The following HYI variants were observed in gnomAD, a reference collection of about 807,000 sequenced individuals.
HYI encodes hydroxypyruvate isomerase (putative), also known as putative hydroxypyruvate isomerase.
Under a neutral mutation model 39.7 loss-of-function variants are expected in HYI, and 47 were observed. That is an observed-to-expected ratio of 1.18 (90% CI 0.94 to 1.51). The LOEUF (loss-of-function observed/expected upper bound fraction) is 1.51, where lower values mean the gene tolerates loss of function less well. HYI is among the 40% of genes most tolerant of loss of function. HYI has a pLI of 0.00. For synonymous variants in HYI, 186 were observed against 158.8 expected (o/e 1.17, Z -1.29); for missense variants, 465 against 370.3 (o/e 1.26, Z -2.10).
chr1:43,450,965 C>T, downstream of HYI: 2 of 762,138 alleles, frequency 2.6e-6, no homozygotes, highest in East Asian at 2.4e-5. This position sits in a 1 kb window ranked among gnomAD's most constrained non-coding sequence, Gnocchi z 4.3. Context: ...GCCTTTGAAG[C>T]ACTTGTGGCC....
chr1:43,453,060 G>A, intron 2 of HYI: 1 of 1,086,498 alleles, frequency 9.2e-7, no homozygotes, highest in East Asian at 2.5e-5. Flanking sequence ...ATCCAGACAG[G>A]GTTAGGTGCC....
intron 2 of HYI, chr1:43,453,137 C>A: frequency 1.4e-6 from 1 of 691,148 alleles, no homozygotes; most frequent in Admixed American, 2.1e-5. Context: ...TATTTACTCT[C>A]CTATCTGCCT....
At position 43,453,834 on chromosome 1, in the gene HYI, AGGCGGCGGGCGGCGGGCGGCG is replaced by A. The variant is rs534101178; in HGVS notation, c.-62_-42del. 15 of 1,194,514 alleles carry A rather than the reference AGGCGGCGGGCGGCGGGCGGCG, an allele frequency of 1.3e-5. No individual in the cohort carries two copies. The highest frequency in any genetic ancestry group is 3.2e-4 in the Middle Eastern group (1 of 3,100). The allele number at this position is 1,194,514 out of a possible 1,614,324, so 74.0% of individuals were successfully genotyped here. A position where few individuals can be genotyped will look rare whatever the true frequency, so the allele number is the denominator to read the frequency against. On this transcript the variant is annotated 5_prime_UTR_variant, in exon 1 of 8. Coordinates refer to ENST00000372430, the MANE Select transcript of HYI (RefSeq NM_001190880.3). ...GCCGGGCGGAGTCCGCGGGATCCAA[AGGCGGCGGGCGGCGGGCGGCG>A]GGCGGCGGGCGGGGGCGGGGCTCTC...
chr1:43,452,790 A>T (rs58350196), intron 2 of HYI: 36 of 1,140,660 alleles, frequency 3.2e-5, no homozygotes, highest in Non-Finnish European at 4.4e-5. Flanking sequence ...AGGATTTGAC[A>T]TTTGAATCAG....
rs567018180 is a variant in HYI at position 43,451,597 on chromosome 1, G to T, written c.625+51C>A. ...GTCCAGGCTCCTGCCAGGGCCTGAA[G>T]GACAGATGTGGGGATTGAAAGGGTG... On this transcript the variant is annotated intron_variant, in intron 6 of 7. Coordinates refer to ENST00000372430, the MANE Select transcript of HYI (RefSeq NM_001190880.3). The T allele has an allele frequency of 2.8e-4, 454 of 1,613,850 alleles. 8 individuals are homozygous for T. The South Asian group carries it at 4.7e-3, about 17-fold the overall frequency.
At position 43,451,723 on chromosome 1, in the gene HYI, G is replaced by A; in HGVS notation, c.556-6C>T. 3 of 1,614,084 alleles carry A rather than the reference G, an allele frequency of 1.9e-6. No homozygotes were observed. Among genetic ancestry groups the A allele is most frequent in the Non-Finnish European group, 2.5e-6 (3 of 1,179,950 alleles). On this transcript the variant is annotated splice_polypyrimidine_tract_variant and splice_region_variant and intron_variant, in intron 5 of 7. Coordinates refer to ENST00000372430, the MANE Select transcript of HYI (RefSeq NM_001190880.3). ...ATCTGCCAGTGGAATATGTCCTAGG[G>A]AAGAGGATACTACATTCCGAGACCC...
chr1:43,453,442 G>T lies in HYI; in HGVS notation c.255C>A (p.Ala85=). 6.4e-7 allele frequency: 1 copy of T among 1,564,294 alleles called. No homozygotes were observed. The highest frequency in any genetic ancestry group is 8.7e-7 in the Non-Finnish European group (1 of 1,153,334). The part of the protein sequence containing the change: ...GLGAVPGRQA[A]FREGLEQAVR... The stretch of plus-strand genomic sequence containing the variant: ...CGGCCTGCTCCAGTCCCTCTCGGAA[G>T]GCCGCCTGTCTCCCGGGGACGGCCC... Residue 85 remains alanine, a synonymous_variant, in exon 2 of 8, where the codon GCC becomes GCA. Coordinates refer to ENST00000372430, the MANE Select transcript of HYI (RefSeq NM_001190880.3).
At chr1:43,450,769 A>G (rs1656297567), downstream of HYI, 4 of 700,564 alleles carry the variant, frequency 5.7e-6, no homozygotes, top group Non-Finnish European at 1.1e-5. The surrounding 1 kb of genome is among the most constrained non-coding windows in gnomAD (Gnocchi z 4.3). Context: ...CCCCCCTGGT[A>G]GAGTCTCGGG....
In HYI at chr1:43,451,205, C is replaced by T. The variant is rs1656358953; in HGVS notation, c.*33G>A. ...AGAGGAGGAGATGGGATGTCACTCG[C>T]TGTCTGGAGGCACGTGGGTGGTGTG... On this transcript the variant is annotated 3_prime_UTR_variant, in exon 8 of 8. Coordinates refer to ENST00000372430, the MANE Select transcript of HYI (RefSeq NM_001190880.3). 2 of 1,600,166 alleles carry T rather than the reference C, an allele frequency of 1.2e-6. No individual in the cohort carries two copies. The highest frequency in any genetic ancestry group is 1.3e-5 in the African/African-American group (1 of 74,812).
chr1:43,450,851 G>A (rs1656309418), downstream of HYI: 1 of 714,844 alleles, frequency 1.4e-6, no homozygotes, highest in Non-Finnish European at 2.6e-6. This position sits in a 1 kb window ranked among gnomAD's most constrained non-coding sequence, Gnocchi z 4.3. Context: ...TTTGACCACT[G>A]TCAGCCACCT....
rs1196005627 is a variant in HYI at position 43,453,634 on chromosome 1, C to G, written c.160G>C (p.Glu54Gln). The G allele has an allele frequency of 5.4e-6, 8 of 1,493,528 alleles. No individual in the cohort carries two copies. The highest frequency in any genetic ancestry group is 2.3e-5 in the Admixed American group (1 of 43,034). The allele number at this position is 1,493,528 out of a possible 1,614,324, so 92.5% of individuals were successfully genotyped here. ...ATCAGTACAAGCCGCAGCCCCGCTTCTCGCGCGGCGCGCGCCAGCGCCTCA... is the reference window on the plus strand; with the variant it reads ...ATCAGTACAAGCCGCAGCCCCGCTTGTCGCGCGGCGCGCGCCAGCGCCTCA... ...TPEALARAAR[E>Q]AGLRLVLINT... The change falls in exon 1 of 8, where the codon GAA (glutamate) becomes CAA (glutamine). Residue 54 changes from glutamate to glutamine, a missense_variant. Transcript: ENST00000372430.
chr1:43,450,998 G>A lies in HYI; in HGVS notation c.*240C>T, dbSNP rs781528730. 3.4e-4 allele frequency: 264 copies of A among 766,582 alleles called. 1 individual carries two copies. In the African/African-American group the frequency reaches 3.9e-3, roughly 11 times the overall value. The allele number at this position is 766,582 out of a possible 1,614,324, so 47.5% of individuals were successfully genotyped here. On this transcript the variant is annotated 3_prime_UTR_variant, in exon 8 of 8. Coordinates refer to ENST00000372430, the MANE Select transcript of HYI (RefSeq NM_001190880.3). This position sits in a 1 kb window ranked among gnomAD's most constrained non-coding sequence, Gnocchi z 4.3. Reference sequence around the variant, plus strand: ...GCCACCGTCAAGTCCCTTTGCTCTCGGACCCTGGGTTTCTCATCCTTTAAT... The same window carrying A: ...GCCACCGTCAAGTCCCTTTGCTCTCAGACCCTGGGTTTCTCATCCTTTAAT...
Position 43,451,425 on chromosome 1 carries a change from C to G in HYI, c.745G>C (p.Glu249Gln), listed in dbSNP as rs1418492030. ...CACGCCTCACCTCGAGGCTGATACT[C>G]ACAGCCCACGAAGCCTTTGTAGCCT... ...DEGYKGFVGCEYQPRGDTVEG... is the reference protein window; with the variant it reads ...DEGYKGFVGCQYQPRGDTVEG... The change falls in exon 7 of 8, where the codon GAG becomes CAG. Residue 249 changes from glutamate to glutamine, a missense_variant. Coordinates refer to ENST00000372430, the MANE Select transcript of HYI (RefSeq NM_001190880.3). The G allele has an allele frequency of 3.1e-6, 5 of 1,613,098 alleles. No individual in the cohort carries two copies. The highest frequency in any genetic ancestry group is 4.2e-6 in the Non-Finnish European group (5 of 1,179,926).
At position 43,451,209 on chromosome 1, in the gene HYI, C is replaced by T; in HGVS notation, c.*29G>A. ...GAGGAGATGGGATGTCACTCGCTGT[C>T]TGGAGGCACGTGGGTGGTGTGCGGG... is the stretch of plus-strand genomic sequence containing the variant. On this transcript the variant is annotated 3_prime_UTR_variant, in exon 8 of 8. Transcript: ENST00000372430. The T allele has an allele frequency of 2.5e-6, 4 of 1,607,880 alleles. No homozygotes were observed. The highest frequency in any genetic ancestry group is 3.4e-6 in the Non-Finnish European group (4 of 1,174,438).
In HYI at chr1:43,451,529, G is replaced by A; in HGVS notation, c.641C>T (p.Ala214Val). 1 of 1,614,080 alleles carries A rather than the reference G, an allele frequency of 6.2e-7. No homozygotes were observed. The highest frequency in any genetic ancestry group is 8.5e-7 in the Non-Finnish European group (1 of 1,180,002). ...GGGCTCCCCTCGGCCTGGGACCTGT[G>A]CCACCTGCACATGCCCTGGGGACAG... Reference protein sequence around the residue: ...FLPIVGHVQVAQVPGRGEPSS... With the variant: ...FLPIVGHVQVVQVPGRGEPSS... Residue 214 changes from alanine (A) to valine (V), a missense_variant, in exon 7 of 8, where the codon GCA becomes GTA. By Grantham distance (64) the Ala-to-Val change is moderately conservative (BLOSUM62 0). Coordinates refer to ENST00000372430, the MANE Select transcript of HYI (RefSeq NM_001190880.3).
At chr1:43,453,361 G>C in intron 2 of HYI, 25 bp downstream of exon 2, 1 of 1,461,512 alleles carries the variant, frequency 6.8e-7, no homozygotes, top group Non-Finnish European at 9.3e-7. Context: ...GGTCACAGGG[G>C]TGGGGGTGGG....
intron 2 of HYI, chr1:43,452,570 C>T (rs1308213773): frequency 1.6e-6 from 1 of 612,388 alleles, no homozygotes; most frequent in Non-Finnish European, 2.9e-6. Flanking sequence ...CTTTCCTTCC[C>T]TCGGTCCTTC....
At position 43,451,429 on chromosome 1, in the gene HYI, G is replaced by A; in HGVS notation, c.741C>T (p.Gly247=). The change falls in exon 7 of 8, where the codon GGC becomes GGT. Residue 247 remains glycine (G), a synonymous_variant. Coordinates refer to ENST00000372430, the MANE Select transcript of HYI (RefSeq NM_001190880.3). ...LEDEGYKGFV[G]CEYQPRGDTV... is the part of the protein sequence containing the mutation. ...CCTCACCTCGAGGCTGATACTCACA[G>A]CCCACGAAGCCTTTGTAGCCTTCAT... 6.2e-7 allele frequency: 1 copy of A among 1,613,410 alleles called. No homozygotes were observed. The highest frequency in any genetic ancestry group is 8.5e-7 in the Non-Finnish European group (1 of 1,180,018).
At chr1:43,452,844 T>C in intron 2 of HYI, 1 of 1,533,964 alleles carries the variant, frequency 6.5e-7, no homozygotes, top group Non-Finnish European at 8.8e-7. Context: ...CCCCTGATCT[T>C]AGCCACATCC....
Sources: gnomAD v4.1 joint callset for allele counts on GRCh38, gnomAD v4.1.1 for gene constraint, Gnocchi (gnomAD v3.1) non-coding constraint, MANE v1.5 for transcripts, NCBI Gene and HGNC (gene_info 2026-07-23, HGNC 2026-07-21) for gene names.